The following ARHGAP24 variants were observed in gnomAD, a reference collection of about 807,000 sequenced individuals.
ARHGAP24 encodes the protein rho GTPase-activating protein 24.
Under a neutral mutation model 76.4 loss-of-function variants are expected in ARHGAP24, and 50 were observed. The ratio of observed to expected loss-of-function variants is 0.65; its 90% CI spans 0.52 to 0.83. The LOEUF (loss-of-function observed/expected upper bound fraction) is 0.83. ARHGAP24 is among the 40% of genes least tolerant of loss of function. ARHGAP24 has a pLI of 0.00. For synonymous variants in ARHGAP24, 345 were observed against 323.3 expected, an observed-to-expected ratio of 1.07 and a Z score of -0.72; for missense variants, 930 against 914.2, an observed-to-expected ratio of 1.02 and a Z score of -0.22.
intron 3 of ARHGAP24, among the ~76,000 whole-genome samples, chr4:85,800,948 A>G (rs1158002182): frequency 2.0e-5 from 3 of 152,234 alleles, no homozygotes; most frequent in East Asian, 1.9e-4. Flanking sequence ...TTCAAATTAA[A>G]GCGTCCTTTT....
At chr4:85,915,893 G>A (rs1035383779) in intron 3 of ARHGAP24, among the ~76,000 whole-genome samples, 1 of 152,154 alleles carries the variant, frequency 6.6e-6, no homozygotes, top group Non-Finnish European at 1.5e-5. Context: ...GTGTGCATGT[G>A]TCTTTATAGC....
At position 85,509,220 on chromosome 4, in the gene ARHGAP24, A is replaced by G. The variant is rs186715646; in HGVS notation, c.-21+33661A>G. ...TGGGGTGGGGGGAGGGGGGAGGGAT[A>G]GCATTAGGAGATATACCTAATGCTA... On this transcript the variant is annotated intron_variant, in intron 1 of 9. Coordinates refer to ENST00000395184, the MANE Select transcript of ARHGAP24 (RefSeq NM_001025616.3). Among the ~76,000 whole-genome samples the G allele has an allele frequency of 8.5e-3, 1,258 of 147,932 alleles. 20 individuals are homozygous for G. Among genetic ancestry groups the G allele is most frequent in the African/African-American group, 0.029 (1,183 of 40,178 alleles).
intron 2 of ARHGAP24, among the ~76,000 whole-genome samples, chr4:85,649,008 AAT>A (rs538462191): frequency 0.016 from 1,062 of 66,712 alleles, 14 homozygotes; most frequent in African/African-American, 0.051. Flanking sequence ...TGCATTTGTA[AAT>A]ATGTGTGTGT....
chr4:85,646,405 CAATT>C (rs1348362704), intron 2 of ARHGAP24, among the ~76,000 whole-genome samples: 3 of 151,858 alleles, frequency 2.0e-5, no homozygotes, highest in Admixed American at 6.6e-5. Flanking sequence ...CAAATAGAAA[CAATT>C]AATTAAATGA....
intron 8 of ARHGAP24, among the ~76,000 whole-genome samples, chr4:85,983,332 A>T (rs143177036): frequency 1.3e-5 from 2 of 152,262 alleles, no homozygotes; most frequent in African/African-American, 4.8e-5. Context: ...CTGATTCTAG[A>T]TCTTTGAGGA....
In ARHGAP24 at chr4:85,768,502, G is replaced by C. The variant is rs577725923; in HGVS notation, c.268+46530G>C. Among the ~76,000 whole-genome samples the C allele has an allele frequency of 2.6e-5, 4 of 152,276 alleles. No homozygotes were observed. The South Asian group carries it at 8.3e-4, about 32-fold the overall frequency. On this transcript the variant is annotated intron_variant, in intron 3 of 9. Coordinates refer to ENST00000395184, the MANE Select transcript of ARHGAP24 (RefSeq NM_001025616.3). Reference sequence around the variant, plus strand: ...GCCTGTAATCCCAGCACTTTGAAAGGCTGAGGCAGGTGGATCATGAGGTCA... The same window carrying C: ...GCCTGTAATCCCAGCACTTTGAAAGCCTGAGGCAGGTGGATCATGAGGTCA...
intron 1 of ARHGAP24, among the ~76,000 whole-genome samples, chr4:85,483,794 A>G (rs1722912296): frequency 6.6e-6 from 1 of 152,080 alleles, no homozygotes; most frequent in Non-Finnish European, 1.5e-5. Flanking sequence ...TAAGGGTGCA[A>G]TTCTCAAGTG....
chr4:85,551,899 T>C (rs9994597), intron 1 of ARHGAP24, among the ~76,000 whole-genome samples: 91,658 of 151,872 alleles, frequency 0.6, 29,709 homozygotes, highest in Middle Eastern at 0.75. Flanking sequence ...TTGTGCTTAT[T>C]TGGACCTTCT....
chr4:85,824,847 T>C (rs1367810893), intron 3 of ARHGAP24, among the ~76,000 whole-genome samples: 1 of 152,182 alleles, frequency 6.6e-6, no homozygotes. Context: ...CCTAGCACTT[T>C]GGGAAGCCAA....
intron 5 of ARHGAP24, among the ~76,000 whole-genome samples, chr4:85,964,665 A>C (rs1469070102): frequency 6.6e-6 from 1 of 152,178 alleles, no homozygotes; most frequent in Non-Finnish European, 1.5e-5. Context: ...AGTCAGAGAT[A>C]GAAAATTAAT....
chr4:85,809,668 C>T (rs1327695123), intron 3 of ARHGAP24, among the ~76,000 whole-genome samples: 1 of 152,112 alleles, frequency 6.6e-6, no homozygotes, highest in African/African-American at 2.4e-5. Context: ...AGTGAGGCAA[C>T]CTCAGAAGGT....
intron 4 of ARHGAP24, chr4:85,931,139 A>C: frequency 7.7e-7 from 1 of 1,303,184 alleles, no homozygotes; most frequent in Non-Finnish European, 1.1e-6. Context: ...GGGAGTTTGG[A>C]AACCAAGAGC....
chr4:85,960,424 CT>C (rs1279214832), intron 5 of ARHGAP24, among the ~76,000 whole-genome samples: 2 of 152,080 alleles, frequency 1.3e-5, no homozygotes, highest in African/African-American at 2.4e-5. Flanking sequence ...GAGGACATCA[CT>C]GTGGATATTC....
chr4:85,882,904 C>T (rs182472688), intron 3 of ARHGAP24, among the ~76,000 whole-genome samples: 1 of 152,244 alleles, frequency 6.6e-6, no homozygotes, highest in African/African-American at 2.4e-5. Context: ...TTGGGCAGGA[C>T]ACAACTTGGC....
rs28463959 is a variant in ARHGAP24 at position 85,638,969 on chromosome 4, G to A, written c.180+68248G>A. Reference sequence around the variant, plus strand: ...AATCTTATTACCACTGTTTACAGAGGCCTTCTGTTATTTTACATGGGCATG... The same window carrying A: ...AATCTTATTACCACTGTTTACAGAGACCTTCTGTTATTTTACATGGGCATG... On this transcript the variant is annotated intron_variant, in intron 2 of 9. Coordinates refer to ENST00000395184, the MANE Select transcript of ARHGAP24 (RefSeq NM_001025616.3). 2.7e-3 allele frequency among the ~76,000 whole-genome samples: 407 copies of A among 152,204 alleles called. 1 individual carries two copies. Among genetic ancestry groups the A allele is most frequent in the African/African-American group, 9.2e-3 (383 of 41,536 alleles).
At chr4:85,688,512 C>T (rs1043077112) in intron 2 of ARHGAP24, among the ~76,000 whole-genome samples, 14 of 152,064 alleles carry the variant, frequency 9.2e-5, no homozygotes, top group Non-Finnish European at 1.5e-4. Flanking sequence ...TATTTTCTCC[C>T]GTTCAGTAGA....
intron 2 of ARHGAP24, among the ~76,000 whole-genome samples, chr4:85,720,413 T>C (rs571763926): frequency 6.6e-6 from 1 of 152,336 alleles, no homozygotes; most frequent in South Asian, 2.1e-4. Context: ...GATTTCTATA[T>C]TTCTGGCTTT....
chr4:85,689,620 CT>C (rs1162446842), intron 2 of ARHGAP24, among the ~76,000 whole-genome samples: 3 of 152,084 alleles, frequency 2.0e-5, no homozygotes, highest in African/African-American at 7.2e-5. Flanking sequence ...AACTTCTGAG[CT>C]CAAGTGATCT....
intron 2 of ARHGAP24, among the ~76,000 whole-genome samples, chr4:85,619,253 T>C (rs989007603): frequency 2.0e-5 from 3 of 152,094 alleles, no homozygotes; most frequent in African/African-American, 7.2e-5. Flanking sequence ...CTTGTCATCT[T>C]TGTGAAATAC....
Sources: gnomAD v4.1 joint callset for allele counts (sites outside exome capture counted in the v4.1 genomes callset) on GRCh38, gnomAD v4.1.1 for gene constraint, MANE v1.5 for transcripts, NCBI Gene and HGNC (gene_info 2026-07-23, HGNC 2026-07-21) for gene names.